The following RPSA2 variants were observed in gnomAD, a reference collection of about 807,000 sequenced individuals.
The protein encoded by RPSA2 is ribosomal protein SA 2.
chr19:23,860,394 T>C, the RPSA2 span, among the ~76,000 whole-genome samples: 16 of 152,322 alleles, frequency 1.1e-4, no homozygotes, highest in East Asian at 3.1e-3. Context: ...CTTTCCCACA[T>C]TCTTCTACTC....
chr19:23,761,920 C>CTTTCTTTCTTTCTTTCTTTCTTTCTTTCT, the RPSA2 span, among the ~76,000 whole-genome samples: 1 of 32,454 alleles, frequency 3.1e-5, no homozygotes, highest in African/African-American at 9.6e-5. Context: ...TTCTTTCTTT[C>CTTTCTTTCTTTCTTTCTTTCTTTCTTTCT]TTTTTTTTTT....
At chr19:23,840,001 T>C in the RPSA2 span, among the ~76,000 whole-genome samples, 55,654 of 152,076 alleles carry the variant, frequency 0.37, 10,787 homozygotes, top group East Asian at 0.53. Flanking sequence ...TCTGCTTCCT[T>C]CAGAGGGTTG....
the RPSA2 span, among the ~76,000 whole-genome samples, chr19:23,866,831 C>T: frequency 3.9e-5 from 6 of 152,166 alleles, no homozygotes; most frequent in African/African-American, 1.4e-4. Flanking sequence ...AAAGTTCCCA[C>T]TGGCATTTGG....
chr19:23,847,738 A>G, the RPSA2 span, among the ~76,000 whole-genome samples: 1 of 152,086 alleles, frequency 6.6e-6, no homozygotes, highest in Non-Finnish European at 1.5e-5. Context: ...ACTGCAGGAG[A>G]CCAGGGCGTA....
chr19:23,777,307 G>A, the RPSA2 span, among the ~76,000 whole-genome samples: 4 of 152,116 alleles, frequency 2.6e-5, no homozygotes, highest in African/African-American at 9.7e-5. Context: ...TTGACACATC[G>A]TTGAGGCCAA....
At chr19:23,849,516 G>A in the RPSA2 span, among the ~76,000 whole-genome samples, 726 of 152,254 alleles carry the variant, frequency 4.8e-3, 3 homozygotes, top group African/African-American at 0.016. Flanking sequence ...CTCACAGCCC[G>A]GACATGGCAA....
At chr19:23,841,033 G>A in the RPSA2 span, among the ~76,000 whole-genome samples, 4 of 149,902 alleles carry the variant, frequency 2.7e-5, no homozygotes, top group Admixed American at 2.7e-4. Context: ...CATAAAACAT[G>A]TTTTTTATGA....
the RPSA2 span, chr19:23,832,965 A>G: frequency 1.3e-6 from 2 of 1,481,642 alleles, no homozygotes; most frequent in Middle Eastern, 1.9e-4. Context: ...GTGGAGTAAA[A>G]CCCTACAAGT....
the RPSA2 span, chr19:23,808,701 T>A: frequency 1.6e-6 from 1 of 644,284 alleles, no homozygotes. Context: ...TTCATGTTAG[T>A]TATTTTTAAT....
At chr19:23,771,566 C>T in the RPSA2 span, among the ~76,000 whole-genome samples, 2 of 152,302 alleles carry the variant, frequency 1.3e-5, no homozygotes, top group Middle Eastern at 3.4e-3. Context: ...ACTCTCCTGC[C>T]TGGGCCCAGT....
chr19:23,835,622 T>TG, the RPSA2 span, among the ~76,000 whole-genome samples: 1 of 151,874 alleles, frequency 6.6e-6, no homozygotes, highest in Non-Finnish European at 1.5e-5. Context: ...ATAGTTTTTT[T>TG]TTTTGTTGTT....
chr19:23,781,696 T>C, the RPSA2 span, among the ~76,000 whole-genome samples: 307 of 152,308 alleles, frequency 2.0e-3, 2 homozygotes, highest in African/African-American at 7.1e-3. Flanking sequence ...CAGTCCACCA[T>C]TGAGACTGTA....
At chr19:23,856,452 A>C in the RPSA2 span, among the ~76,000 whole-genome samples, 1 of 152,148 alleles carries the variant, frequency 6.6e-6, no homozygotes, top group African/African-American at 2.4e-5. Flanking sequence ...CATAATGTTT[A>C]GACTCTGTGT....
At chr19:23,782,305 A>T in the RPSA2 span, 2 of 152,122 alleles carry the variant, frequency 1.3e-5, no homozygotes, top group Non-Finnish European at 2.9e-5. Context: ...TAGAAAAGAG[A>T]TTATGACATA....
At chr19:23,870,489 T>A in the RPSA2 span, among the ~76,000 whole-genome samples, 3 of 151,290 alleles carry the variant, frequency 2.0e-5, no homozygotes, top group Non-Finnish European at 2.9e-5. Context: ...GCAGGGAGCT[T>A]TCACATCCAA....
chr19:23,803,019 T>A, the RPSA2 span, among the ~76,000 whole-genome samples: 1 of 152,162 alleles, frequency 6.6e-6, no homozygotes, highest in African/African-American at 2.4e-5. Flanking sequence ...GTTAAATTGC[T>A]TATTAGTATG....
chr19:23,861,859 C>T, the RPSA2 span, among the ~76,000 whole-genome samples: 12 of 152,228 alleles, frequency 7.9e-5, no homozygotes, highest in South Asian at 2.5e-3. Flanking sequence ...ACCATCTTTT[C>T]CCTTGATGTG....
At chr19:23,770,899 A>C in the RPSA2 span, among the ~76,000 whole-genome samples, 1 of 152,114 alleles carries the variant, frequency 6.6e-6, no homozygotes, top group Non-Finnish European at 1.5e-5. Context: ...ACTGGTCAAT[A>C]CCTATTCACT....
At chr19:23,789,696 A>T in the RPSA2 span, among the ~76,000 whole-genome samples, 1 of 151,912 alleles carries the variant, frequency 6.6e-6, no homozygotes, top group Admixed American at 6.6e-5. Flanking sequence ...ACAAAATCAC[A>T]GATGATATTG....
Sources: allele counts gnomAD v4.1 joint callset (sites outside exome capture counted in the v4.1 genomes callset), GRCh38; gene constraint gnomAD v4.1.1; transcripts MANE v1.5; gene names NCBI Gene and HGNC (gene_info 2026-07-23, HGNC 2026-07-21).